Variants in KDM6A observed in about 807,000 individuals in gnomAD.
KDM6A encodes the protein lysine demethylase 6A.
Under a neutral mutation model 117.6 loss-of-function variants are expected in KDM6A, and 11 were observed. That is an observed-to-expected ratio of 0.09 (90% CI 0.06 to 0.15). The LOEUF is 0.15. Among genes scored for constraint, KDM6A ranks in the 10% least tolerant of loss-of-function variants. The probability of loss-of-function intolerance (pLI) is 1.00; values close to 1 mark genes in which losing one functional copy is unlikely to be tolerated. For missense variants in KDM6A, 799 were observed against 1,077.3 expected (o/e 0.74, Z 3.62); for synonymous variants, 384 against 396.1 (o/e 0.97, Z 0.36).
At chrX:44,886,581 C>T (rs937115341) in intron 2 of KDM6A, among the ~76,000 whole-genome samples, 1 of 107,280 alleles carries the variant, frequency 9.3e-6, no homozygotes, top group African/African-American at 3.4e-5. Context: ...ATTCTGCCTC[C>T]CGGGTTCAAG....
intron 8 of KDM6A, among the ~76,000 whole-genome samples, chrX:45,051,210 A>G (rs1013489121): frequency 9.0e-6 from 1 of 110,745 alleles, no homozygotes; most frequent in African/African-American, 3.3e-5. Context: ...TGGTTTCACT[A>G]TGTTGGCCAG....
chrX:45,007,115 T>C (rs1168560111), intron 4 of KDM6A, among the ~76,000 whole-genome samples: 2 of 111,716 alleles, frequency 1.8e-5, no homozygotes, highest in African/African-American at 6.5e-5. Flanking sequence ...TTTTTGGGAT[T>C]CTCAAGGCAT....
At chrX:44,914,642 C>T (rs1165692960) in intron 2 of KDM6A, among the ~76,000 whole-genome samples, 4 of 111,109 alleles carry the variant, frequency 3.6e-5, no homozygotes, top group African/African-American at 1.3e-4. Context: ...TTGCCACTTA[C>T]CAGCTGTGAG....
At chrX:45,105,873 G>A (rs1454589185) in intron 27 of KDM6A, among the ~76,000 whole-genome samples, 3 of 112,348 alleles carry the variant, frequency 2.7e-5, no homozygotes, top group Non-Finnish European at 5.6e-5. Context: ...TTTCAGATCA[G>A]TAGTGTTATT....
intron 17 of KDM6A, 113 bp from the exon 18 acceptor site, chrX:45,069,466 T>C: frequency 1.4e-6 from 1 of 724,056 alleles, no homozygotes; most frequent in Non-Finnish European, 2.0e-6. Context: ...TGGGTCAAAT[T>C]ATCTTATACA....
chrX:45,076,662 T>C, intron 18 of KDM6A, 35 bp from the exon 19 acceptor site: 1 of 984,293 alleles, frequency 1.0e-6, no homozygotes, highest in South Asian at 2.1e-5. Flanking sequence ...TCCAAATAAA[T>C]GTACAACTGA....
intron 24 of KDM6A, among the ~76,000 whole-genome samples, chrX:45,085,507 A>G (rs1252562181): frequency 1.8e-5 from 2 of 112,031 alleles, no homozygotes; most frequent in African/African-American, 6.5e-5. Flanking sequence ...TATAGAGATT[A>G]TTATTATCTG....
chrX:44,973,319 A>G (rs2039452289), intron 3 of KDM6A, among the ~76,000 whole-genome samples: 2 of 111,264 alleles, frequency 1.8e-5, no homozygotes, highest in Non-Finnish European at 1.9e-5. Context: ...GGGTATTCCC[A>G]TGGCCTCTTG....
chrX:44,983,971 C>T (rs570650407), intron 4 of KDM6A, among the ~76,000 whole-genome samples: 1 of 109,562 alleles, frequency 9.1e-6, no homozygotes, highest in African/African-American at 3.4e-5. Context: ...TTCTAGATCC[C>T]TGAGGAATCG....
chrX:44,873,294 T>C lies in KDM6A; in HGVS notation c.-258T>C. The C allele has an allele frequency of 3.2e-6, 1 of 310,911 alleles. No homozygotes were observed. The highest frequency in any genetic ancestry group is 5.2e-5 in the South Asian group (1 of 19,246). 25.6% of individuals were successfully genotyped at this position (310,911 alleles called of 1,213,427 possible). Reference sequence around the variant, plus strand: ...CGTTCCCGCCGTCCCCGCCTGTGGCTGCCCCCTGCCCAACCCCGCGATGTG... The same window carrying C: ...CGTTCCCGCCGTCCCCGCCTGTGGCCGCCCCCTGCCCAACCCCGCGATGTG... On this transcript the variant is annotated 5_prime_UTR_variant, in exon 1 of 30. Coordinates refer to ENST00000611820, the MANE Select transcript of KDM6A (RefSeq NM_001291415.2).
chrX:45,052,774 C>T (rs1365083970), intron 9 of KDM6A, among the ~76,000 whole-genome samples: 1 of 111,663 alleles, frequency 9.0e-6, no homozygotes, highest in Non-Finnish European at 1.9e-5. Flanking sequence ...ATAACTGCAG[C>T]CTCAAACTCC....
intron 2 of KDM6A, among the ~76,000 whole-genome samples, chrX:44,875,200 G>A: frequency 8.9e-6 from 1 of 112,301 alleles, no homozygotes; most frequent in Non-Finnish European, 1.9e-5. Context: ...TAGCTTTATT[G>A]TTGCAGTTGA....
chrX:45,067,818 A>G (rs139560955), intron 17 of KDM6A, among the ~76,000 whole-genome samples: 2,465 of 109,204 alleles, frequency 0.023, 43 homozygotes, highest in Non-Finnish European at 0.036. Flanking sequence ...ATGCCCGGCT[A>G]ATTTTTGTAT....
intron 2 of KDM6A, among the ~76,000 whole-genome samples, chrX:44,910,753 C>T (rs1016942235): frequency 9.1e-6 from 1 of 110,256 alleles, no homozygotes; most frequent in Non-Finnish European, 1.9e-5. Flanking sequence ...CATCTTGCAC[C>T]GACCTTAATC....
At chrX:45,050,846 A>G (rs2043809263) in intron 8 of KDM6A, among the ~76,000 whole-genome samples, 1 of 111,333 alleles carries the variant, frequency 9.0e-6, no homozygotes, top group Non-Finnish European at 1.9e-5. Context: ...TAAGTCTTAC[A>G]GACATTGTTA....
At chrX:45,083,439 T>C (rs2148150513) in intron 23 of KDM6A, 21 bp from the exon 24 acceptor site, 1 of 1,203,041 alleles carries the variant, frequency 8.3e-7, no homozygotes. Flanking sequence ...GTTTCACTTT[T>C]GATGTGTTAT....
At chrX:45,064,899 T>G (rs915439180) in intron 17 of KDM6A, among the ~76,000 whole-genome samples, 4 of 112,027 alleles carry the variant, frequency 3.6e-5, no homozygotes, top group Non-Finnish European at 7.5e-5. Flanking sequence ...ACCTACTAGG[T>G]TCATTTCCTA....
chrX:44,881,411 G>A (rs1306403535), intron 2 of KDM6A, among the ~76,000 whole-genome samples: 2 of 111,789 alleles, frequency 1.8e-5, no homozygotes, highest in African/African-American at 3.3e-5. Context: ...CCAGCCTGGC[G>A]ACAGAGCAAG....
At chrX:45,058,080 C>A (rs988794860) in intron 10 of KDM6A, among the ~76,000 whole-genome samples, 3 of 76,064 alleles carry the variant, frequency 3.9e-5, no homozygotes, top group Admixed American at 1.4e-4. Context: ...TACTCTCCCC[C>A]CCCCCCCTTT....
Sources: gnomAD v4.1 joint callset for allele counts (sites outside exome capture counted in the v4.1 genomes callset) on GRCh38, gnomAD v4.1.1 for gene constraint, MANE v1.5 for transcripts, NCBI Gene and HGNC (gene_info 2026-07-23, HGNC 2026-07-21) for gene names.